PP2D1: variants seen among roughly 807,000 people sequenced by gnomAD.
The protein encoded by PP2D1 is protein phosphatase 2C-like domain-containing protein 1.
PP2D1 carries 25 observed loss-of-function variants against 30.2 expected under a neutral mutation model. The observed-to-expected ratio is 0.83, with a 90% CI of 0.60 to 1.16. The LOEUF is 1.16. PP2D1 is among the 50% of genes most tolerant of loss of function. The probability of loss-of-function intolerance (pLI) is 0.00; values close to 1 mark genes in which losing one functional copy is unlikely to be tolerated. For missense variants in PP2D1, 760 were observed against 742.4 expected (o/e 1.02, Z -0.28); for synonymous variants, 260 against 258.9 (o/e 1.00, Z -0.04).
chr3:20,001,743 T>C lies in PP2D1; in HGVS notation c.377A>G (p.Lys126Arg). Residue 126 changes from lysine to arginine, a missense_variant, in exon 2 of 3, where the codon AAA becomes AGA. By Grantham distance (26) the Lys-to-Arg change is conservative (BLOSUM62 2). Transcript: ENST00000389050. ...KLLSSFMFTEKTLQSINNAFE... is the reference protein window; with the variant it reads ...KLLSSFMFTERTLQSINNAFE... ...AGCATTATTAATGCTCTGTAGGGTT[T>C]TTTCAGTGAACATAAAAGATGACAA... 2 of 1,531,514 alleles carry C rather than the reference T, an allele frequency of 1.3e-6. No individual in the cohort carries two copies. Among genetic ancestry groups the C allele is most frequent in the Non-Finnish European group, 1.7e-6 (2 of 1,145,164 alleles). The allele number at this position is 1,531,514 out of a possible 1,614,324, so 94.9% of individuals were successfully genotyped here.
At chr3:20,008,971 A>T (rs191224105) in intron 1 of PP2D1, among the ~76,000 whole-genome samples, 2 of 152,306 alleles carry the variant, frequency 1.3e-5, no homozygotes, top group African/African-American at 4.8e-5. Flanking sequence ...ATAAAAATAC[A>T]TTACATAAAG....
rs547218808 is a variant in PP2D1, at chr3:20,010,462, A to G, written c.23+1588T>C. Among the ~76,000 whole-genome samples, 3 of 152,142 alleles carry G rather than the reference A, an allele frequency of 2.0e-5. No homozygotes were observed. The South Asian group carries it at 6.2e-4, about 32-fold the overall frequency. Reference sequence around the variant, plus strand: ...GCCAATCTTCAAATCATATCAACTCACCCATAAATACTTCAGTCTCAACAG... The same window carrying G: ...GCCAATCTTCAAATCATATCAACTCGCCCATAAATACTTCAGTCTCAACAG... On this transcript the variant is annotated intron_variant, in intron 1 of 2. Coordinates refer to ENST00000389050, the MANE Select transcript of PP2D1 (RefSeq NM_001252657.2).
intron 1 of PP2D1, among the ~76,000 whole-genome samples, chr3:20,010,061 C>A (rs1215290313): frequency 6.6e-6 from 1 of 152,008 alleles, no homozygotes; most frequent in Non-Finnish European, 1.5e-5. Context: ...TATTTTTTTA[C>A]TCCTGTTTCA....
chr3:19,982,194 A>T (rs1356086133), downstream of PP2D1, among the ~76,000 whole-genome samples: 1 of 152,116 alleles, frequency 6.6e-6, no homozygotes, highest in African/African-American at 2.4e-5. Context: ...GCTATGATTG[A>T]TGCACCACAC....
chr3:19,984,427 A>T (rs1184143864), downstream of PP2D1: 21 of 197,690 alleles, frequency 1.1e-4, no homozygotes, highest in Non-Finnish European at 1.5e-4. Context: ...TTTTTTTTTT[A>T]AATGGGGTAA....
chr3:19,993,741 G>A (rs889936857), intron 2 of PP2D1, among the ~76,000 whole-genome samples: 2 of 151,976 alleles, frequency 1.3e-5, no homozygotes, highest in Non-Finnish European at 2.9e-5. Context: ...CTGTTTGTTT[G>A]TTTGTTTGTT....
At chr3:20,005,109 T>C (rs1173374582) in intron 1 of PP2D1, among the ~76,000 whole-genome samples, 1 of 151,764 alleles carries the variant, frequency 6.6e-6, no homozygotes, top group Non-Finnish European at 1.5e-5. Context: ...AGACCCTGTC[T>C]CAAAAATAAA....
intron 2 of PP2D1, 70 bp downstream of exon 2, chr3:20,000,960 A>C (rs1029811180): frequency 1.2e-6 from 1 of 825,580 alleles, no homozygotes; most frequent in Non-Finnish European, 1.7e-6. Context: ...AAATTGTGGA[A>C]GCATGAGGGG....
At chr3:19,984,279 G>A (rs1330531765), downstream of PP2D1, 1 of 428,794 alleles carries the variant, frequency 2.3e-6, no homozygotes, top group East Asian at 7.2e-5. Flanking sequence ...TCAGGCAAAT[G>A]TTCATTTCTC....
At position 19,992,842 on chromosome 3, in the gene PP2D1, G is replaced by A. The variant is rs779776439; in HGVS notation, c.1091-6660C>T. The stretch of plus-strand genomic sequence containing the variant: ...GAAAGGAGTGACGTGGCAATCTTGA[G>A]AAGGGAAGGGGGCTTCAGGTGGCCA... On this transcript the variant is annotated intron_variant, in intron 2 of 2. Transcript: ENST00000389050. 2.3e-4 allele frequency among the ~76,000 whole-genome samples: 35 copies of A among 152,176 alleles called. 1 individual carries two copies. Among genetic ancestry groups the A allele is most frequent in the Non-Finnish European group, 4.3e-4 (29 of 68,032 alleles).
At chr3:19,991,192 A>G (rs1458654881) in intron 2 of PP2D1, among the ~76,000 whole-genome samples, 1 of 152,190 alleles carries the variant, frequency 6.6e-6, no homozygotes, top group Admixed American at 6.5e-5. Flanking sequence ...GATGATGCTC[A>G]AGCCTTTTTA....
intron 1 of PP2D1, among the ~76,000 whole-genome samples, chr3:20,008,717 C>T (rs1022069150): frequency 6.6e-6 from 1 of 152,176 alleles, no homozygotes; most frequent in Non-Finnish European, 1.5e-5. Context: ...CGCCACTGTA[C>T]TCCACCTAGG....
chr3:19,985,602 C>T lies in PP2D1; in HGVS notation c.1671G>A (p.Thr557=), dbSNP rs768390337. The T allele has an allele frequency of 1.1e-4, 176 of 1,535,882 alleles. No homozygotes were observed. The highest frequency in any genetic ancestry group is 8.1e-4 in the East Asian group (33 of 40,908). ...TTTCACTGCAAGGTTTACGATGAGT[C>T]GTTTCTGCTGGAAATGTTTCTACAT... The part of the protein sequence containing the change: ...PENVETFPAE[T]THRKPCSEKV... The change falls in exon 3 of 3, where the codon ACG becomes ACA. Residue 557 remains threonine (T), a synonymous_variant. Transcript: ENST00000389050.
rs573075111 is a variant in PP2D1 at position 19,999,974 on chromosome 3, C to T, written c.1090+1056G>A. 2.6e-5 allele frequency among the ~76,000 whole-genome samples: 4 copies of T among 152,248 alleles called. No homozygotes were observed. In the South Asian group the frequency reaches 8.3e-4, roughly 32 times the overall value. ...AGCCCTTGACATTTCAGGCTCAGAA[C>T]CAGGTTGGATCAGAAACAGGCTGAC... On this transcript the variant is annotated intron_variant, in intron 2 of 2. Coordinates refer to ENST00000389050, the MANE Select transcript of PP2D1 (RefSeq NM_001252657.2).
At chr3:20,010,892 G>A (rs1203283657) in intron 1 of PP2D1, among the ~76,000 whole-genome samples, 1 of 152,154 alleles carries the variant, frequency 6.6e-6, no homozygotes, top group African/African-American at 2.4e-5. Context: ...TGCACAGATG[G>A]ATGAGGATGC....
intron 2 of PP2D1, among the ~76,000 whole-genome samples, chr3:19,987,708 G>C (rs2125137582): frequency 6.6e-6 from 1 of 152,268 alleles, no homozygotes; most frequent in Non-Finnish European, 1.5e-5. Context: ...CCAGAAGTTT[G>C]AGACCAGCTG....
At chr3:20,000,267 A>G (rs1460068634) in intron 2 of PP2D1, among the ~76,000 whole-genome samples, 1 of 152,230 alleles carries the variant, frequency 6.6e-6, no homozygotes, top group Non-Finnish European at 1.5e-5. Flanking sequence ...ACTAGATATC[A>G]AAGTTATTGT....
At chr3:19,996,216 GAGAAAATCCCAAAAAAATC>G (rs1160829676) in intron 2 of PP2D1, among the ~76,000 whole-genome samples, 16 of 151,912 alleles carry the variant, frequency 1.1e-4, no homozygotes, top group Admixed American at 1.1e-3. Context: ...AGAAAAAAGA[GAGAAAATCCCAAAAAAATC>G]AGAAATGAAA....
At chr3:19,993,714 T>G (rs967841167) in intron 2 of PP2D1, among the ~76,000 whole-genome samples, 1 of 152,130 alleles carries the variant, frequency 6.6e-6, no homozygotes, top group Non-Finnish European at 1.5e-5. Flanking sequence ...TACTCCAGTG[T>G]GGATAACAGA....
Sources: allele counts gnomAD v4.1 joint callset (sites outside exome capture counted in the v4.1 genomes callset), GRCh38; gene constraint gnomAD v4.1.1; transcripts MANE v1.5; gene names NCBI Gene and HGNC (gene_info 2026-07-23, HGNC 2026-07-21).